The following TSHZ2 variants were observed in gnomAD, a reference collection of about 807,000 sequenced individuals.
TSHZ2 encodes teashirt zinc finger homeobox 2.
Under a neutral mutation model 74.4 loss-of-function variants are expected in TSHZ2, and 21 were observed. The observed-to-expected ratio is 0.28, with a 90% CI of 0.20 to 0.41. The LOEUF (loss-of-function observed/expected upper bound fraction) is 0.41. Among genes scored for constraint, TSHZ2 ranks in the 10% least tolerant of loss-of-function variants. TSHZ2 has a pLI of 1.00. For synonymous variants in TSHZ2, 540 were observed against 515.3 expected, an observed-to-expected ratio of 1.05 and a Z score of -0.65; for missense variants, 1,244 against 1,293.5, an observed-to-expected ratio of 0.96 and a Z score of 0.59.
At chr20:52,999,210 C>T (rs181208278) in intron 1 of TSHZ2, among the ~76,000 whole-genome samples, 70 of 152,226 alleles carry the variant, frequency 4.6e-4, no homozygotes, top group Non-Finnish European at 8.7e-4. Flanking sequence ...ACAGAGTTCC[C>T]GATTCACCTC....
intron 1 of TSHZ2, among the ~76,000 whole-genome samples, chr20:52,982,827 GA>G (rs35715585): frequency 5.3e-5 from 8 of 151,906 alleles, no homozygotes; most frequent in Non-Finnish European, 1.0e-4. Context: ...GATCAGACCT[GA>G]AAAAAAAGTG....
chr20:53,292,946 G>A (rs1991308190), intron 2 of TSHZ2, among the ~76,000 whole-genome samples: 1 of 152,130 alleles, frequency 6.6e-6, no homozygotes, highest in Non-Finnish European at 1.5e-5. Context: ...TGTCCCCTCA[G>A]GAATATGGAA....
At chr20:53,382,454 T>G (rs1454676020) in intron 2 of TSHZ2, among the ~76,000 whole-genome samples, 1 of 152,042 alleles carries the variant, frequency 6.6e-6, no homozygotes, top group African/African-American at 2.4e-5. Flanking sequence ...TTAAAAGAAC[T>G]GGAGAAGGGG....
chr20:53,175,033 T>G (rs1169374463), intron 1 of TSHZ2, among the ~76,000 whole-genome samples: 1 of 152,086 alleles, frequency 6.6e-6, no homozygotes, highest in Non-Finnish European at 1.5e-5. Context: ...TTTGCTGGCT[T>G]TTAGAATGAG....
At chr20:53,156,905 G>C (rs1987809156) in intron 1 of TSHZ2, among the ~76,000 whole-genome samples, 1 of 152,102 alleles carries the variant, frequency 6.6e-6, no homozygotes, top group Non-Finnish European at 1.5e-5. Flanking sequence ...TCTATCTCTG[G>C]GGACAGATAC....
chr20:53,029,504 C>T (rs990953602), intron 1 of TSHZ2, among the ~76,000 whole-genome samples: 5 of 152,116 alleles, frequency 3.3e-5, no homozygotes, highest in Admixed American at 1.3e-4. Context: ...GGTGAAACCC[C>T]GTCTCAACTA....
chr20:53,254,470 G>A lies in TSHZ2; in HGVS notation c.1012G>A (p.Gly338Arg). ...NRPCSPDSTT[G>R]SFADSFSSQK... ...GCCGTGTTCCCCCGATTCAACCACA[G>A]GATCTTTTGCAGATTCTTTTTCTTC... is the stretch of plus-strand genomic sequence containing the variant. Residue 338 changes from glycine (G) to arginine (R), a missense_variant, in exon 2 of 3, where the codon GGA (glycine) becomes AGA (arginine). This residue lies in a region of TSHZ2 where 470 missense variants were observed against 456.5 expected (regional missense o/e 1.03). Transcript: ENST00000371497. 7 of 1,614,030 alleles carry A rather than the reference G, an allele frequency of 4.3e-6. No homozygotes were observed. Among genetic ancestry groups the A allele is most frequent in the South Asian group, 1.1e-5 (1 of 91,082 alleles).
At chr20:53,076,597 AT>A (rs1241168635) in intron 1 of TSHZ2, among the ~76,000 whole-genome samples, 1 of 152,200 alleles carries the variant, frequency 6.6e-6, no homozygotes, top group Non-Finnish European at 1.5e-5. Flanking sequence ...GCTTACTGAG[AT>A]GAGTGATGTC....
At chr20:53,449,455 C>T (rs1600648747) in intron 2 of TSHZ2, among the ~76,000 whole-genome samples, 1 of 152,246 alleles carries the variant, frequency 6.6e-6, no homozygotes, top group South Asian at 2.1e-4. Context: ...CCGTTGAAGG[C>T]TGTCAACAGT....
At chr20:53,486,067 A>C (rs902011923) in intron 2 of TSHZ2, among the ~76,000 whole-genome samples, 2 of 152,158 alleles carry the variant, frequency 1.3e-5, no homozygotes, top group Non-Finnish European at 2.9e-5. Context: ...CCTCATCCCC[A>C]GTCCCTGGCA....
intron 1 of TSHZ2, among the ~76,000 whole-genome samples, chr20:53,247,334 TG>T (rs1990231737): frequency 1.3e-5 from 2 of 152,200 alleles, no homozygotes; most frequent in Admixed American, 1.3e-4. Flanking sequence ...AAATGAAGTC[TG>T]TGCTCAGGAA....
At chr20:53,096,876 C>A (rs1986064856) in intron 1 of TSHZ2, among the ~76,000 whole-genome samples, 2 of 150,462 alleles carry the variant, frequency 1.3e-5, no homozygotes, top group Non-Finnish European at 3.0e-5. Context: ...GAGTGAAACT[C>A]CATTAAAACA....
At chr20:53,100,034 G>A (rs1986171860) in intron 1 of TSHZ2, among the ~76,000 whole-genome samples, 1 of 152,140 alleles carries the variant, frequency 6.6e-6, no homozygotes, top group Non-Finnish European at 1.5e-5. Flanking sequence ...CCAGGGGCTG[G>A]GCTGAGGCCA....
chr20:53,297,708 GACTTA>G (rs1991405874), intron 2 of TSHZ2, among the ~76,000 whole-genome samples: 1 of 152,182 alleles, frequency 6.6e-6, no homozygotes, highest in Non-Finnish European at 1.5e-5. Context: ...CCTTAAGCAA[GACTTA>G]ACTTGTCCAA....
rs187489266 is a variant in TSHZ2, at chr20:53,105,283, C to A, written c.40+131950C>A. Among the ~76,000 whole-genome samples the A allele has an allele frequency of 7.2e-5, 11 of 152,338 alleles. No homozygotes were observed. In the East Asian group the frequency reaches 2.1e-3, roughly 29 times the overall value. ...TCTTTAAAGCAAGATTTCTCCACTTCCTTTACCTTGGCACTGCTGACATTA... is the reference window on the plus strand; with the variant it reads ...TCTTTAAAGCAAGATTTCTCCACTTACTTTACCTTGGCACTGCTGACATTA... On this transcript the variant is annotated intron_variant, in intron 1 of 2. Coordinates refer to ENST00000371497, the MANE Select transcript of TSHZ2 (RefSeq NM_173485.6).
intron 1 of TSHZ2, among the ~76,000 whole-genome samples, chr20:53,218,364 G>A (rs980345179): frequency 6.6e-6 from 1 of 152,226 alleles, no homozygotes; most frequent in African/African-American, 2.4e-5. Flanking sequence ...AGTTGGCACA[G>A]GGGCAAATGA....
At chr20:53,293,700 CAAA>C (rs11476117) in intron 2 of TSHZ2, among the ~76,000 whole-genome samples, 31 of 120,250 alleles carry the variant, frequency 2.6e-4, no homozygotes, top group Non-Finnish European at 3.1e-4. Flanking sequence ...AACTGGCTCT[CAAA>C]AAAAAAAAAA....
intron 1 of TSHZ2, among the ~76,000 whole-genome samples, chr20:53,023,626 TTTTTGCTTTTTG>T (rs869162820): frequency 0.051 from 1,133 of 22,048 alleles, 13 homozygotes; most frequent in South Asian, 0.1. Context: ...TTTGTTTTTT[TTTTTGCTTTTTG>T]TTTTTTATGA....
intron 1 of TSHZ2, among the ~76,000 whole-genome samples, chr20:53,127,495 C>T (rs1342960384): frequency 2.6e-5 from 4 of 152,172 alleles, no homozygotes; most frequent in African/African-American, 9.6e-5. Context: ...TGCTTGAGGC[C>T]AGGAGCTTGA....
Sources: gnomAD v4.1 joint callset for allele counts (sites outside exome capture counted in the v4.1 genomes callset) on GRCh38, gnomAD v4.1.1 for gene constraint, gnomAD v4.1.1 regional missense constraint, MANE v1.5 for transcripts, NCBI Gene and HGNC (gene_info 2026-07-23, HGNC 2026-07-21) for gene names.